Variants in PRKAR2B observed in about 807,000 individuals in gnomAD.
PRKAR2B encodes the protein protein kinase cAMP-dependent type II regulatory subunit beta.
In PRKAR2B, 14 loss-of-function variants were observed where a neutral mutation model predicts 49.9. The ratio of observed to expected loss-of-function variants is 0.28; its 90% CI spans 0.19 to 0.44. The LOEUF (loss-of-function observed/expected upper bound fraction) is 0.44, where lower values mean the gene tolerates loss of function less well. Among genes scored for constraint, PRKAR2B ranks in the 20% least tolerant of loss-of-function variants. The pLI is 1.00. For synonymous variants in PRKAR2B, 196 were observed against 197.7 expected, an observed-to-expected ratio of 0.99 and a Z score of 0.07; for missense variants, 393 against 537.9, an observed-to-expected ratio of 0.73 and a Z score of 2.67.
chr7:107,122,564 G>C (rs564723679), intron 3 of PRKAR2B, among the ~76,000 whole-genome samples: 3 of 152,234 alleles, frequency 2.0e-5, no homozygotes, highest in Admixed American at 2.0e-4. Context: ...TTAGTAAAAA[G>C]TAAACTAAAA....
At chr7:107,067,066 C>T (rs1794164540) in intron 1 of PRKAR2B, 1 of 152,372 alleles carries the variant, frequency 6.6e-6, no homozygotes, top group South Asian at 2.1e-4. Context: ...GCTTCACCCC[C>T]TCCCTGCCAG....
rs919603639 is a variant in PRKAR2B at position 107,110,366 on chromosome 7, C to T, written c.344-11586C>T. ...CAAAGACTTGAACTCCTAGGCAAAT[C>T]CTAGTGCTGATGTGGGCTCAGAGCC... On this transcript the variant is annotated intron_variant, in intron 2 of 10. Transcript: ENST00000265717. Among the ~76,000 whole-genome samples the T allele has an allele frequency of 2.7e-4, 41 of 152,126 alleles. 1 individual carries two copies. The highest frequency in any genetic ancestry group is 8.5e-4 in the Admixed American group (13 of 15,266).
chr7:107,056,021 G>C (rs1295409108), intron 1 of PRKAR2B, among the ~76,000 whole-genome samples: 1 of 152,138 alleles, frequency 6.6e-6, no homozygotes, highest in African/African-American at 2.4e-5. Context: ...TCCAGTTTCA[G>C]CTTCCTACAT....
At chr7:107,109,803 AAT>A (rs1200564561) in intron 2 of PRKAR2B, among the ~76,000 whole-genome samples, 9 of 152,218 alleles carry the variant, frequency 5.9e-5, no homozygotes, top group African/African-American at 2.2e-4. Context: ...AACAATTTCC[AAT>A]GTCATTAGAT....
intron 2 of PRKAR2B, among the ~76,000 whole-genome samples, chr7:107,098,478 T>C (rs886971444): frequency 2.0e-5 from 3 of 152,216 alleles, no homozygotes; most frequent in Non-Finnish European, 4.4e-5. Context: ...CTTGGAGAAG[T>C]TTGTTATTAC....
intron 2 of PRKAR2B, among the ~76,000 whole-genome samples, chr7:107,093,629 T>C (rs1435539462): frequency 1.3e-5 from 2 of 151,928 alleles, no homozygotes; most frequent in African/African-American, 4.8e-5. Context: ...ATCATTTACA[T>C]TAGGTATATC....
chr7:107,085,421 CT>C (rs200404966), intron 2 of PRKAR2B, among the ~76,000 whole-genome samples: 1,548 of 152,152 alleles, frequency 0.01, 30 homozygotes, highest in African/African-American at 0.035. Context: ...ATGAATCAAT[CT>C]TTTTTTATAG....
Sources: allele counts gnomAD v4.1 joint callset (sites outside exome capture counted in the v4.1 genomes callset), GRCh38; gene constraint gnomAD v4.1.1; transcripts MANE v1.5; gene names NCBI Gene and HGNC (gene_info 2026-07-23, HGNC 2026-07-21).